The following KCNMA1 variants were observed in gnomAD, a reference collection of about 807,000 sequenced individuals.
The protein encoded by KCNMA1 is Calcium-activated potassium channel subunit alpha-1.
KCNMA1 carries 29 observed loss-of-function variants against 140.0 expected under a neutral mutation model. The ratio of observed to expected loss-of-function variants is 0.21; its 90% CI spans 0.15 to 0.28. The LOEUF (loss-of-function observed/expected upper bound fraction) is 0.28. Ranked by LOEUF, KCNMA1 falls within the 10% of genes least tolerant of loss-of-function variation. KCNMA1 has a pLI of 1.00. For missense variants in KCNMA1, 880 were observed against 1,602.2 expected, an observed-to-expected ratio of 0.55 and a Z score of 7.70; for synonymous variants, 612 against 611.9, an observed-to-expected ratio of 1.00 and a Z score of 0.00.
chr10:76,989,379 A>T (rs2082132021), intron 19 of KCNMA1, among the ~76,000 whole-genome samples: 1 of 152,128 alleles, frequency 6.6e-6, no homozygotes, highest in African/African-American at 2.4e-5. Flanking sequence ...TCCTCACAGG[A>T]CCTACCACGA....
At chr10:77,025,242 G>A (rs12784790) in intron 16 of KCNMA1, among the ~76,000 whole-genome samples, 17,287 of 38,374 alleles carry the variant, frequency 0.45, 3,394 homozygotes, top group Non-Finnish European at 0.53. Flanking sequence ...GGGTGTGTGT[G>A]TATATATATA....
intron 2 of KCNMA1, among the ~76,000 whole-genome samples, chr10:77,399,523 C>G (rs1217335097): frequency 1.3e-5 from 2 of 152,206 alleles, no homozygotes; most frequent in African/African-American, 2.4e-5. Context: ...GCCACGTGCT[C>G]CAAGAGAAGG....
At chr10:77,097,092 TCTCCATGACA>T (rs1354704010) in intron 9 of KCNMA1, among the ~76,000 whole-genome samples, 2 of 152,118 alleles carry the variant, frequency 1.3e-5, no homozygotes, top group Non-Finnish European at 2.9e-5. Context: ...CATCACCACC[TCTCCATGACA>T]CTCCTGCAAG....
chr10:77,414,142 G>C (rs561915797), intron 1 of KCNMA1, among the ~76,000 whole-genome samples: 1 of 152,180 alleles, frequency 6.6e-6, no homozygotes, highest in South Asian at 2.1e-4. Context: ...CAAATGCAGG[G>C]AGCCATGTAA....
intron 19 of KCNMA1, chr10:76,995,815 G>C: frequency 2.5e-6 from 1 of 395,338 alleles, no homozygotes; most frequent in Middle Eastern, 9.0e-4. Context: ...TGTCCTTAAA[G>C]AGCCGAGTCA....
intron 2 of KCNMA1, among the ~76,000 whole-genome samples, chr10:77,380,896 A>G (rs2095359837): frequency 1.3e-5 from 2 of 152,192 alleles, no homozygotes; most frequent in African/African-American, 4.8e-5. Context: ...TGACTTTTCC[A>G]TTTCCAAAGA....
intron 2 of KCNMA1, among the ~76,000 whole-genome samples, chr10:77,299,398 G>A (rs896406179): frequency 1.3e-5 from 2 of 152,214 alleles, no homozygotes; most frequent in African/African-American, 4.8e-5. Context: ...AGCAGCAGAA[G>A]GGACCTTGCT....
intron 3 of KCNMA1, among the ~76,000 whole-genome samples, chr10:77,190,074 C>T (rs2098926919): frequency 6.6e-6 from 1 of 152,118 alleles, no homozygotes; most frequent in Non-Finnish European, 1.5e-5. Flanking sequence ...TCTATGCCTT[C>T]TCTGTGGCCT....
intron 23 of KCNMA1, among the ~76,000 whole-genome samples, chr10:76,925,961 C>A (rs570616485): frequency 1.3e-5 from 2 of 152,214 alleles, no homozygotes; most frequent in Non-Finnish European, 2.9e-5. Context: ...AGAGACAAGA[C>A]GCCTGGCCCA....
At chr10:77,484,725 A>C (rs2098441806) in intron 1 of KCNMA1, among the ~76,000 whole-genome samples, 1 of 152,218 alleles carries the variant, frequency 6.6e-6, no homozygotes, top group South Asian at 2.1e-4. Flanking sequence ...GGCCCCACCC[A>C]AAGAGTCGCT....
At chr10:77,165,615 G>A (rs1032151657) in intron 5 of KCNMA1, among the ~76,000 whole-genome samples, 5 of 152,124 alleles carry the variant, frequency 3.3e-5, no homozygotes, top group East Asian at 1.9e-4. Context: ...CTCTGGAGTC[G>A]GGCTGACTTC....
At chr10:77,261,910 A>T (rs2062112708) in intron 2 of KCNMA1, among the ~76,000 whole-genome samples, 1 of 152,196 alleles carries the variant, frequency 6.6e-6, no homozygotes, top group African/African-American at 2.4e-5. Flanking sequence ...ACTTAAGTGC[A>T]TGTGGGTTTG....
intron 17 of KCNMA1, 141 bp from the exon 18 acceptor site, chr10:77,012,184 T>C (rs984837350): frequency 6.5e-6 from 10 of 1,530,354 alleles, no homozygotes; most frequent in Middle Eastern, 1.7e-4. Flanking sequence ...GTTTAGACAT[T>C]TGCAGACGGA....
chr10:77,132,710 A>C (rs2153991214), intron 5 of KCNMA1, among the ~76,000 whole-genome samples: 1 of 152,310 alleles, frequency 6.6e-6, no homozygotes, highest in Non-Finnish European at 1.5e-5. Context: ...CCTTCAAAGC[A>C]ACAAGAGTCA....
At position 76,910,061 on chromosome 10, in the gene KCNMA1, C is replaced by T; in HGVS notation, c.3052G>A (p.Asp1018Asn). ...DTNVQFLDQDDDDDPDTELYL... is the reference protein window; with the variant it reads ...DTNVQFLDQDNDDDPDTELYL... ...AGTTCTGTATCAGGGTCATCATCAT[C>T]GTCTTGGTCCAAAAACTGAACATTA... Residue 1018 changes from aspartate (D) to asparagine (N), a missense_variant, in exon 25 of 28, where the codon GAT becomes AAT. Around this residue, in one of 13 missense-constraint regions of KCNMA1, gnomAD observed 7 missense variants for 51.1 expected, o/e 0.14. Coordinates refer to ENST00000286628, the MANE Select transcript of KCNMA1 (RefSeq NM_001161352.2). 1 of 1,614,022 alleles carries T rather than the reference C, an allele frequency of 6.2e-7. No homozygotes were observed. The highest frequency in any genetic ancestry group is 8.5e-7 in the Non-Finnish European group (1 of 1,179,934).
intron 15 of KCNMA1, among the ~76,000 whole-genome samples, chr10:77,036,956 G>C (rs577609263): frequency 1.2e-4 from 19 of 152,240 alleles, no homozygotes; most frequent in African/African-American, 4.3e-4. Context: ...TACCTCTGCT[G>C]TATCATTGTA....
At chr10:77,602,781 C>T (rs1436167361) in intron 1 of KCNMA1, among the ~76,000 whole-genome samples, 1 of 152,192 alleles carries the variant, frequency 6.6e-6, no homozygotes, top group African/African-American at 2.4e-5. Context: ...GCCAACCACC[C>T]TCATCCCTCC....
At chr10:77,363,739 T>C (rs970549352) in intron 2 of KCNMA1, among the ~76,000 whole-genome samples, 2 of 152,142 alleles carry the variant, frequency 1.3e-5, no homozygotes, top group Non-Finnish European at 2.9e-5. Flanking sequence ...TGCTTTGTAG[T>C]GAGACATACA....
chr10:76,952,202 G>A, intron 21 of KCNMA1: 2 of 1,545,940 alleles, frequency 1.3e-6, no homozygotes, highest in Non-Finnish European at 8.7e-7. Context: ...GGCCACCAGG[G>A]CAAAAGTGCC....
Sources: allele counts gnomAD v4.1 joint callset (sites outside exome capture counted in the v4.1 genomes callset), GRCh38; gene constraint gnomAD v4.1.1; regional missense constraint gnomAD v4.1.1; transcripts MANE v1.5; gene names NCBI Gene and HGNC (gene_info 2026-07-23, HGNC 2026-07-21).